KLK9: variants seen among roughly 807,000 people sequenced by gnomAD.
KLK9 encodes the protein kallikrein related peptidase 9.
A neutral mutation model predicts 23.3 loss-of-function variants in KLK9; 26 were observed. The observed-to-expected ratio is 1.12, with a 90% CI of 0.82 to 1.55. KLK9 has a LOEUF of 1.55. KLK9 is among the 40% of genes most tolerant of loss of function. The pLI is 0.00. For missense variants in KLK9, 346 were observed against 333.7 expected (o/e 1.04, Z -0.29); for synonymous variants, 122 against 128.5 (o/e 0.95, Z 0.34).
chr19:51,008,442 A>C (rs938098174), intron 2 of KLK9, among the ~76,000 whole-genome samples: 1 of 152,124 alleles, frequency 6.6e-6, no homozygotes, highest in Non-Finnish European at 1.5e-5. Flanking sequence ...TTAAGACTAC[A>C]GAATTATCTG....
rs994769322 is a variant in KLK9, at chr19:51,003,210, C to T, written c.654G>A (p.Val218=). The change falls in exon 5 of 5, where the codon GTG becomes GTA. Residue 218 remains valine (V), a synonymous_variant. Transcript: ENST00000594211. ...LVCNGTLAGV[V]SGGAEPCSRP... ...TGGAGCAGGGCTCAGCACCCCCAGA[C>T]ACCACGCCTGCCAAGGTTCCATTGC... 1 of 1,613,226 alleles carries T rather than the reference C, an allele frequency of 6.2e-7. No homozygotes were observed. The highest frequency in any genetic ancestry group is 8.5e-7 in the Non-Finnish European group (1 of 1,179,798).
intron 4 of KLK9, 32 bp downstream of exon 4, chr19:51,003,672 A>T: frequency 7.6e-6 from 12 of 1,589,368 alleles, no homozygotes; most frequent in Non-Finnish European, 1.0e-5. Context: ...ACTTGGCAGG[A>T]CAGCCTCATT....
chr19:51,003,641 T>C, intron 4 of KLK9, 63 bp downstream of exon 4: 1 of 1,457,282 alleles, frequency 6.9e-7, no homozygotes. Flanking sequence ...CCGACCCCTC[T>C]GCTCCCCTAA....
Position 51,006,768 on chromosome 19 carries a change from G to A in KLK9, c.201-45C>T. On this transcript the variant is annotated intron_variant, in intron 2 of 4. Transcript: ENST00000594211. The surrounding 1 kb of genome is among the most constrained non-coding windows in gnomAD (Gnocchi z 4.1). ...AGGTCAAGCTGGGGGAAAGGTAAAAGTCCTTTCAGCCCCAGCCCTCTTTTC... is the reference window on the plus strand; with the variant it reads ...AGGTCAAGCTGGGGGAAAGGTAAAAATCCTTTCAGCCCCAGCCCTCTTTTC... 6.0e-6 allele frequency: 9 copies of A among 1,512,526 alleles called. No homozygotes were observed. The highest frequency in any genetic ancestry group is 8.0e-6 in the Non-Finnish European group (9 of 1,129,264). The allele number at this position is 1,512,526 out of a possible 1,614,324, so 93.7% of individuals were successfully genotyped here.
Position 51,006,474 on chromosome 19 carries a change from G to T in KLK9, c.450C>A (p.Ala150=). ...AGGTCATACCCTTGGGGCTGGACAC[G>T]GCCCCCCAGCCTGAGATGAGACACT... ...GMQCLISGWG[A]VSSPKALFPV... The change falls in exon 3 of 5, where the codon GCC becomes GCA. Residue 150 remains alanine, a synonymous_variant. Coordinates refer to ENST00000594211, the MANE Select transcript of KLK9 (RefSeq NM_012315.2). The surrounding 1 kb of genome is among the most constrained non-coding windows in gnomAD (Gnocchi z 4.1). 1 of 1,611,372 alleles carries T rather than the reference G, an allele frequency of 6.2e-7. No homozygotes were observed. The highest frequency in any genetic ancestry group is 1.1e-5 in the South Asian group (1 of 90,864).
chr19:51,009,366 G>A lies in KLK9; in HGVS notation c.44-27C>T, dbSNP rs58876874. ...TGGGGTGGGGATGAGGGACAAAGGG[G>A]TCAGCGAAGAGCAGGCTGGGAGGGC... On this transcript the variant is annotated intron_variant, in intron 1 of 4. Coordinates refer to ENST00000594211, the MANE Select transcript of KLK9 (RefSeq NM_012315.2). This position sits in a 1 kb window ranked among gnomAD's most constrained non-coding sequence, Gnocchi z 4.8. 1.4e-3 allele frequency: 2,106 copies of A among 1,559,120 alleles called. 27 individuals are homozygous for A. In the African/African-American group the frequency reaches 0.024, roughly 18 times the overall value.
At chr19:51,007,149 A>C (rs2091258889) in intron 2 of KLK9, among the ~76,000 whole-genome samples, 1 of 151,756 alleles carries the variant, frequency 6.6e-6, no homozygotes. Flanking sequence ...CTGTATGTCT[A>C]AGTGGTGTGT....
In KLK9 at chr19:51,006,335, A is replaced by T. The variant is rs1189667450; in HGVS notation, c.466+123T>A. ...ATCTTATATTTGGTTAAATATATCGATTGGCAGATAGATAGACTGACAGAG... is the reference window on the plus strand; with the variant it reads ...ATCTTATATTTGGTTAAATATATCGTTTGGCAGATAGATAGACTGACAGAG... On this transcript the variant is annotated intron_variant, in intron 3 of 4. Coordinates refer to ENST00000594211, the MANE Select transcript of KLK9 (RefSeq NM_012315.2). The surrounding 1 kb of genome is among the most constrained non-coding windows in gnomAD (Gnocchi z 4.1). 8.3e-6 allele frequency: 8 copies of T among 968,154 alleles called. No individual in the cohort carries two copies. The highest frequency in any genetic ancestry group is 1.0e-5 in the Non-Finnish European group (7 of 674,082). The allele number at this position is 968,154 out of a possible 1,614,324, so 60.0% of individuals were successfully genotyped here.
At position 51,003,060 on chromosome 19, in the gene KLK9, G is replaced by A. The variant is rs760451917; in HGVS notation, c.*51C>T. On this transcript the variant is annotated 3_prime_UTR_variant, in exon 5 of 5. Coordinates refer to ENST00000594211, the MANE Select transcript of KLK9 (RefSeq NM_012315.2). Reference sequence around the variant, plus strand: ...GGACCCTACGAGAACCCCCTACCCCGTGCCCTTCGGCCTCTCTTGGTCTTC... The same window carrying A: ...GGACCCTACGAGAACCCCCTACCCCATGCCCTTCGGCCTCTCTTGGTCTTC... 4 of 1,566,692 alleles carry A rather than the reference G, an allele frequency of 2.6e-6. No homozygotes were observed. The African/African-American group carries it at 4.0e-5, about 16-fold the overall frequency.
intron 3 of KLK9, among the ~76,000 whole-genome samples, chr19:51,005,233 G>T (rs1035758976): frequency 3.3e-5 from 5 of 152,196 alleles, no homozygotes; most frequent in African/African-American, 1.2e-4. Flanking sequence ...GACTCTGAGA[G>T]ACATGGTCTT....
intron 2 of KLK9, among the ~76,000 whole-genome samples, chr19:51,007,536 C>T (rs750912005): frequency 1.3e-5 from 2 of 151,866 alleles, no homozygotes; most frequent in African/African-American, 4.8e-5. Flanking sequence ...ATCCCTTCAT[C>T]CCCCTACCCT....
At position 51,006,407 on chromosome 19, in the gene KLK9, A is replaced by G; in HGVS notation, c.466+51T>C. ...AGAAGACAGAGATGAAAAGGCAGAGACAGAGGGGTGAGGGAGCAAGTTTCA... is the reference window on the plus strand; with the variant it reads ...AGAAGACAGAGATGAAAAGGCAGAGGCAGAGGGGTGAGGGAGCAAGTTTCA... On this transcript the variant is annotated intron_variant, in intron 3 of 4. Coordinates refer to ENST00000594211, the MANE Select transcript of KLK9 (RefSeq NM_012315.2). The surrounding 1 kb of genome is among the most constrained non-coding windows in gnomAD (Gnocchi z 4.1). 1 of 1,500,606 alleles carries G rather than the reference A, an allele frequency of 6.7e-7. No homozygotes were observed. 93.0% of individuals were successfully genotyped at this position (1,500,606 alleles called of 1,614,324 possible).
Position 51,005,959 on chromosome 19 carries a change from A to G in KLK9, c.466+499T>C, listed in dbSNP as rs191664749. Among the ~76,000 whole-genome samples, 106 of 150,738 alleles carry G rather than the reference A, an allele frequency of 7.0e-4. No homozygotes were observed. The East Asian group carries it at 0.019, about 27-fold the overall frequency. ...ATAATAATAATAATAATAATAAATA[A>G]TAAAAAAATGACCCCGGTGTGGGAT... On this transcript the variant is annotated intron_variant, in intron 3 of 4. Transcript: ENST00000594211.
At position 51,005,931 on chromosome 19, in the gene KLK9, A is replaced by G. The variant is rs968473348; in HGVS notation, c.466+527T>C. ...TGTCTCTACTAAAAATACAAAAAAA[A>G]AGATAATAATAATAATAATAATAAA... On this transcript the variant is annotated intron_variant, in intron 3 of 4. Transcript: ENST00000594211. Among the ~76,000 whole-genome samples the G allele has an allele frequency of 2.7e-5, 4 of 149,142 alleles. No homozygotes were observed. In the East Asian group the frequency reaches 5.8e-4, roughly 22 times the overall value.
In KLK9 at chr19:51,006,735, G is replaced by A; in HGVS notation, c.201-12C>T. On this transcript the variant is annotated splice_polypyrimidine_tract_variant and intron_variant, in intron 2 of 4. Transcript: ENST00000594211. This position sits in a 1 kb window ranked among gnomAD's most constrained non-coding sequence, Gnocchi z 4.1. Reference sequence around the variant, plus strand: ...GGACCCACAGATACCTGCTGGGACAGGCCTCAGAGGTCAAGCTGGGGGAAA... The same window carrying A: ...GGACCCACAGATACCTGCTGGGACAAGCCTCAGAGGTCAAGCTGGGGGAAA... 6.4e-7 allele frequency: 1 copy of A among 1,552,336 alleles called. No homozygotes were observed. The highest frequency in any genetic ancestry group is 2.3e-5 in the East Asian group (1 of 44,284).
chr19:51,006,428 T>A lies in KLK9; in HGVS notation c.466+30A>T. On this transcript the variant is annotated intron_variant, in intron 3 of 4. Transcript: ENST00000594211. This position sits in a 1 kb window ranked among gnomAD's most constrained non-coding sequence, Gnocchi z 4.1. ...AGAGACAGAGGGGTGAGGGAGCAAG[T>A]TTCAGAGAGAGTTCTGGGCCAGGTC... The A allele has an allele frequency of 1.3e-6, 2 of 1,564,518 alleles. No individual in the cohort carries two copies. The highest frequency in any genetic ancestry group is 1.7e-4 in the Middle Eastern group (1 of 5,852).
At chr19:51,003,284 G>A (rs770395026) in intron 4 of KLK9, 24 bp from the exon 5 acceptor site, 8 of 1,603,872 alleles carry the variant, frequency 5.0e-6, no homozygotes, top group Non-Finnish European at 6.8e-6. Context: ...AAGGGCAGAG[G>A]AACTGTTAGG....
chr19:51,008,357 A>G (rs2091264072), intron 2 of KLK9, among the ~76,000 whole-genome samples: 1 of 149,578 alleles, frequency 6.7e-6, no homozygotes, highest in Admixed American at 6.7e-5. Flanking sequence ...AAAAAAAAAA[A>G]AAAAGAAAGA....
chr19:51,005,514 T>C (rs1169604294), intron 3 of KLK9, among the ~76,000 whole-genome samples: 2 of 152,128 alleles, frequency 1.3e-5, no homozygotes, highest in African/African-American at 4.8e-5. Flanking sequence ...GGAAGAAAAT[T>C]GGAACAGTAT....
Sources: gnomAD v4.1 joint callset for allele counts (sites outside exome capture counted in the v4.1 genomes callset) on GRCh38, gnomAD v4.1.1 for gene constraint, Gnocchi (gnomAD v3.1) non-coding constraint, MANE v1.5 for transcripts, NCBI Gene and HGNC (gene_info 2026-07-23, HGNC 2026-07-21) for gene names.